Variants in ZNF571 observed in about 807,000 individuals in gnomAD.
ZNF571 encodes the protein zinc finger protein 571.
ZNF571 carries 4 observed loss-of-function variants against 7.7 expected under a neutral mutation model. The observed-to-expected ratio is 0.52, with a 90% CI of 0.25 to 1.18. The LOEUF (loss-of-function observed/expected upper bound fraction) is 1.18. Ranked by LOEUF, ZNF571 falls within the 50% of genes most tolerant of loss-of-function variation. ZNF571 has a pLI of 0.14. For synonymous variants in ZNF571, 251 were observed against 232.4 expected (o/e 1.08, Z -0.73); for missense variants, 704 against 726.9 (o/e 0.97, Z 0.36).
chr19:37,584,995 T>A (rs938099382), intron 2 of ZNF571: 7 of 151,798 alleles, frequency 4.6e-5, no homozygotes, highest in Non-Finnish European at 1.0e-4. Flanking sequence ...TTAGACAAAT[T>A]CTCTAATGTC....
chr19:37,580,776 T>C lies in ZNF571; in HGVS notation c.136+3195A>G, dbSNP rs569259526. 2.6e-5 allele frequency among the ~76,000 whole-genome samples: 4 copies of C among 152,306 alleles called. No individual in the cohort carries two copies. In the East Asian group the frequency reaches 7.7e-4, roughly 29 times the overall value. On this transcript the variant is annotated intron_variant, in intron 3 of 3. Transcript: ENST00000451802. ...GCTCCCCTTCACCTTCCATCATGAATGGAAGCAGCCTGAGGTCCTCACCAG... is the reference window on the plus strand; with the variant it reads ...GCTCCCCTTCACCTTCCATCATGAACGGAAGCAGCCTGAGGTCCTCACCAG...
Position 37,594,784 on chromosome 19 carries a change from T to A in ZNF571, c.-113A>T, listed in dbSNP as rs1234747752. 1.3e-5 allele frequency: 2 copies of A among 152,124 alleles called. No individual in the cohort carries two copies. The highest frequency in any genetic ancestry group is 2.4e-5 in the African/African-American group (1 of 41,420). The allele number at this position is 152,124 out of a possible 1,614,324, so 9.4% of individuals were successfully genotyped here. A position where few individuals can be genotyped will look rare whatever the true frequency, so the allele number is the denominator to read the frequency against. Reference sequence around the variant, plus strand: ...CTCCGTGCGTCAAGACATAACAGCGTAAGTGTACGACGTTGCGCAGCGACG... The same window carrying A: ...CTCCGTGCGTCAAGACATAACAGCGAAAGTGTACGACGTTGCGCAGCGACG... On this transcript the variant is annotated 5_prime_UTR_variant, in exon 1 of 4. Coordinates refer to ENST00000451802, the MANE Select transcript of ZNF571 (RefSeq NM_016536.5).
intron 3 of ZNF571, among the ~76,000 whole-genome samples, chr19:37,567,160 T>C (rs1306811486): frequency 1.3e-5 from 2 of 152,230 alleles, no homozygotes; most frequent in African/African-American, 4.8e-5. Context: ...TGTACCTATA[T>C]TGCATTTTTC....
Position 37,564,789 on chromosome 19 carries a change from C to G in ZNF571, c.1639G>C (p.Glu547Gln), listed in dbSNP as rs535853504. 1.9e-6 allele frequency: 3 copies of G among 1,613,660 alleles called. No individual in the cohort carries two copies. The African/African-American group carries it at 4.0e-5, about 22-fold the overall frequency. The change falls in exon 4 of 4, where the codon GAA (glutamate) becomes CAA (glutamine). Residue 547 changes from glutamate to glutamine, a missense_variant. Transcript: ENST00000451802. ...KAFIRGSHLTEHLRTHTGEKP... is the reference protein window; with the variant it reads ...KAFIRGSHLTQHLRTHTGEKP... ...TCTCCAGTATGAGTTCTCAGATGTT[C>G]AGTAAGGTGTGAGCCACGAATAAAA...
chr19:37,564,902 T>C lies in ZNF571; in HGVS notation c.1526A>G (p.Lys509Arg), dbSNP rs761152908. ...AAGTTGTGAGCCATAAATAAAGGCC[T>C]TGTCACATTCCTTACATTTGTAGGG... ...EKPYKCKECD[K>R]AFIYGSQLSE... The change falls in exon 4 of 4, where the codon AAG (lysine) becomes AGG (arginine). Residue 509 changes from lysine to arginine, a missense_variant. Lys to Arg is a conservative substitution (Grantham distance 26, BLOSUM62 2). Transcript: ENST00000451802. 6.2e-7 allele frequency: 1 copy of C among 1,614,090 alleles called. No homozygotes were observed. The highest frequency in any genetic ancestry group is 8.5e-7 in the Non-Finnish European group (1 of 1,179,972).
rs1328386507 is a variant in ZNF571, at chr19:37,564,984, T to A, written c.1444A>T (p.Thr482Ser). ...KHYECKECGKTFVRATQLTYH... is the reference protein window; with the variant it reads ...KHYECKECGKSFVRATQLTYH... ...GTAAGTTGTGTAGCACGTACAAAGGTCTTCCCACATTCCTTACATTCATAA... is the reference window on the plus strand; with the variant it reads ...GTAAGTTGTGTAGCACGTACAAAGGACTTCCCACATTCCTTACATTCATAA... Residue 482 changes from threonine to serine, a missense_variant, in exon 4 of 4, where the codon ACC (threonine) becomes TCC (serine). Physicochemically the swap from Thr to Ser is moderately conservative, Grantham distance 58. Coordinates refer to ENST00000451802, the MANE Select transcript of ZNF571 (RefSeq NM_016536.5). 4 of 1,613,468 alleles carry A rather than the reference T, an allele frequency of 2.5e-6. No individual in the cohort carries two copies. Among genetic ancestry groups the A allele is most frequent in the Non-Finnish European group, 3.4e-6 (4 of 1,179,836 alleles).
intron 3 of ZNF571, among the ~76,000 whole-genome samples, chr19:37,571,254 GGAGGCT>G (rs1373062637): frequency 2.6e-5 from 4 of 152,062 alleles, no homozygotes; most frequent in African/African-American, 9.7e-5. Flanking sequence ...TCCCAGCATG[GGAGGCT>G]GAGGTGGGCA....
At chr19:37,566,775 C>A (rs2042876145) in intron 3 of ZNF571, among the ~76,000 whole-genome samples, 1 of 152,150 alleles carries the variant, frequency 6.6e-6, no homozygotes, top group Non-Finnish European at 1.5e-5. Context: ...ATACAGCAGC[C>A]AGAGGAATTC....
intron 3 of ZNF571, among the ~76,000 whole-genome samples, chr19:37,576,160 G>GT (rs2043236278): frequency 6.6e-6 from 1 of 152,118 alleles, no homozygotes; most frequent in South Asian, 2.1e-4. Flanking sequence ...TTAAAAGTTT[G>GT]TTTTTTACTA....
At chr19:37,593,677 A>T (rs925222564) in intron 1 of ZNF571, among the ~76,000 whole-genome samples, 4 of 152,196 alleles carry the variant, frequency 2.6e-5, no homozygotes, top group Admixed American at 1.3e-4. Flanking sequence ...CACTCCAGCC[A>T]GGGCGACACA....
chr19:37,578,511 G>A (rs1459364655), intron 3 of ZNF571, among the ~76,000 whole-genome samples: 1 of 152,190 alleles, frequency 6.6e-6, no homozygotes, highest in Non-Finnish European at 1.5e-5. Flanking sequence ...AGCCCATGTG[G>A]AGCACCACAA....
rs2147147814 is a variant in ZNF571, at chr19:37,564,889, A to G, written c.1539T>C (p.Tyr513=). The G allele has an allele frequency of 6.2e-7, 1 of 1,614,114 alleles. No individual in the cohort carries two copies. Among genetic ancestry groups the G allele is most frequent in the East Asian group, 2.2e-5 (1 of 44,864 alleles). The change falls in exon 4 of 4, where the codon TAT becomes TAC. Residue 513 remains tyrosine (Y), a synonymous_variant. Transcript: ENST00000451802. ...TCTGATGTTCACTAAGTTGTGAGCC[A>G]TAAATAAAGGCCTTGTCACATTCCT... ...KCKECDKAFI[Y]GSQLSEHQRI...
At chr19:37,584,832 T>C (rs1021049005) in intron 2 of ZNF571, among the ~76,000 whole-genome samples, 1 of 151,776 alleles carries the variant, frequency 6.6e-6, no homozygotes, top group East Asian at 1.9e-4. Context: ...GGCGTGATGG[T>C]GGGCACCTGT....
At chr19:37,571,803 G>A (rs927622331) in intron 3 of ZNF571, among the ~76,000 whole-genome samples, 1 of 152,128 alleles carries the variant, frequency 6.6e-6, no homozygotes, top group African/African-American at 2.4e-5. Context: ...TAGCCTAACT[G>A]ACCTAGCCTT....
intron 3 of ZNF571, among the ~76,000 whole-genome samples, chr19:37,573,794 C>T (rs1225981167): frequency 6.6e-6 from 1 of 150,486 alleles, no homozygotes; most frequent in Non-Finnish European, 1.5e-5. Flanking sequence ...GACTGTGCCA[C>T]TGCACTCCAG....
At chr19:37,566,729 C>CA (rs1250538873) in intron 3 of ZNF571, among the ~76,000 whole-genome samples, 2 of 152,154 alleles carry the variant, frequency 1.3e-5, no homozygotes, top group Non-Finnish European at 2.9e-5. Flanking sequence ...TAGCTGGTTT[C>CA]TCTGCTTTCA....
intron 2 of ZNF571, 30 bp downstream of exon 2, chr19:37,586,638 A>G (rs373229442): frequency 3.5e-5 from 57 of 1,613,460 alleles, no homozygotes; most frequent in Non-Finnish European, 4.3e-5. Context: ...AAATGATTGT[A>G]CTTCAAGAAG....
At chr19:37,579,305 G>A (rs1487459765) in intron 3 of ZNF571, among the ~76,000 whole-genome samples, 1 of 152,164 alleles carries the variant, frequency 6.6e-6, no homozygotes, top group Non-Finnish European at 1.5e-5. Context: ...GGGGAACTGG[G>A]GAACTACTTG....
chr19:37,575,319 A>AT (rs2043206270), intron 3 of ZNF571, among the ~76,000 whole-genome samples: 1 of 152,246 alleles, frequency 6.6e-6, no homozygotes, highest in Non-Finnish European at 1.5e-5. Flanking sequence ...CTCCCCATGC[A>AT]TATAAGCATA....
Sources: gnomAD v4.1 joint callset for allele counts (sites outside exome capture counted in the v4.1 genomes callset) on GRCh38, gnomAD v4.1.1 for gene constraint, MANE v1.5 for transcripts, NCBI Gene and HGNC (gene_info 2026-07-23, HGNC 2026-07-21) for gene names.